The following ACRBP variants were observed in gnomAD, a reference collection of about 807,000 sequenced individuals.
ACRBP encodes the protein acrosin binding protein.
ACRBP carries 52 observed loss-of-function variants against 69.0 expected under a neutral mutation model. The observed-to-expected ratio is 0.75, with a 90% confidence interval of 0.60 to 0.95. The LOEUF (loss-of-function observed/expected upper bound fraction) is 0.95. Ranked by LOEUF, ACRBP falls within the 40% of genes least tolerant of loss-of-function variation. ACRBP has a pLI of 0.00. For missense variants in ACRBP, 604 were observed against 673.0 expected (o/e 0.90, Z 1.13); for synonymous variants, 267 against 258.9 (o/e 1.03, Z -0.30).
intron 4 of ACRBP, 131 bp downstream of exon 4, chr12:6,645,089 A>G: frequency 1.5e-6 from 1 of 683,816 alleles, no homozygotes. Context: ...TCCTTTGTGT[A>G]AACAGCTGTC....
intron 3 of ACRBP, among the ~76,000 whole-genome samples, chr12:6,646,028 C>T (rs12321102): frequency 0.095 from 14,341 of 150,956 alleles, 1,369 homozygotes; most frequent in African/African-American, 0.25. Context: ...GGCATGATCT[C>T]GGCTTACTGC....
Position 6,644,308 on chromosome 12 carries a change from G to C in ACRBP, c.773C>G (p.Ser258Cys). The stretch of plus-strand genomic sequence containing the variant: ...GGAAGGGTTAGAAGATAGAGATTCA[G>C]AGTGAAACTTGGGCTCTGAGTCTGT... Reference protein sequence around the residue: ...LQTDSEPKFHSESLSSNPSSF... With the variant: ...LQTDSEPKFHCESLSSNPSSF... The change falls in exon 5 of 10, where the codon TCT becomes TGT. Residue 258 changes from serine (S) to cysteine (C), a missense_variant. Ser to Cys is a moderately radical substitution (Grantham distance 112). Coordinates refer to ENST00000229243, the MANE Select transcript of ACRBP (RefSeq NM_032489.3). 1 of 1,614,166 alleles carries C rather than the reference G, an allele frequency of 6.2e-7. No homozygotes were observed. Among genetic ancestry groups the C allele is most frequent in the South Asian group, 1.1e-5 (1 of 91,084 alleles).
At chr12:6,646,232 A>G (rs530303842) in intron 3 of ACRBP, among the ~76,000 whole-genome samples, 2 of 150,888 alleles carry the variant, frequency 1.3e-5, no homozygotes, top group Admixed American at 6.7e-5. Context: ...TCGGGCTCCC[A>G]AAGTGCTGAG....
At position 6,644,500 on chromosome 12, in the gene ACRBP, T is replaced by C. The variant is rs201620539; in HGVS notation, c.581A>G (p.Glu194Gly). Residue 194 changes from glutamate to glycine, a missense_variant, in exon 5 of 10, where the codon GAG (glutamate) becomes GGG (glycine). Coordinates refer to ENST00000229243, the MANE Select transcript of ACRBP (RefSeq NM_032489.3). Reference sequence around the variant, plus strand: ...CTCCACTCCTTGCTCCTGCTTGTGCTCTGGCGCTTGCTCCTGGCCTCCCAG... The same window carrying C: ...CTCCACTCCTTGCTCCTGCTTGTGCCCTGGCGCTTGCTCCTGGCCTCCCAG... ...LSLGGQEQAPEHKQEQGVEHR... is the reference protein window; with the variant it reads ...LSLGGQEQAPGHKQEQGVEHR... The C allele has an allele frequency of 1.2e-6, 2 of 1,614,100 alleles. No homozygotes were observed. The highest frequency in any genetic ancestry group is 2.2e-5 in the East Asian group (1 of 44,866).
chr12:6,644,034 G>A, intron 5 of ACRBP, 103 bp downstream of exon 5: 1 of 1,504,624 alleles, frequency 6.6e-7, no homozygotes. Flanking sequence ...GTCCAGACAG[G>A]TCTGAGTGGA....
Position 6,640,674 on chromosome 12 carries a change from G to A in ACRBP, c.1078-152C>T. On this transcript the variant is annotated intron_variant, in intron 6 of 9. Transcript: ENST00000229243. This position sits in a 1 kb window ranked among gnomAD's most constrained non-coding sequence, Gnocchi z 5.3. The stretch of plus-strand genomic sequence containing the variant: ...GTTTTCTACTTGGCCTCCTCCCCAA[G>A]GGTTCCTCAAGGACCTTGCCTCAGC... The A allele has an allele frequency of 1.2e-6, 1 of 816,158 alleles. No homozygotes were observed. The highest frequency in any genetic ancestry group is 1.9e-6 in the Non-Finnish European group (1 of 530,532). 50.6% of individuals were successfully genotyped at this position (816,158 alleles called of 1,614,324 possible).
Position 6,640,756 on chromosome 12 carries a change from C to T in ACRBP, c.1078-234G>A, listed in dbSNP as rs1949046674. 6.6e-6 allele frequency among the ~76,000 whole-genome samples: 1 copy of T among 152,150 alleles called. No individual in the cohort carries two copies. The highest frequency in any genetic ancestry group is 6.5e-5 in the Admixed American group (1 of 15,274). ...CTACTCCTAGGTAATCATCTATCTG[C>T]GAGTGACACCCAAATCTTTATCACC... On this transcript the variant is annotated intron_variant, in intron 6 of 9. Coordinates refer to ENST00000229243, the MANE Select transcript of ACRBP (RefSeq NM_032489.3). The surrounding 1 kb of genome is among the most constrained non-coding windows in gnomAD (Gnocchi z 5.3).
Position 6,646,890 on chromosome 12 carries a change from C to G in ACRBP, c.166G>C (p.Ala56Pro). The change falls in exon 2 of 10, where the codon GCA (alanine) becomes CCA (proline). Residue 56 changes from alanine (A) to proline (P), a missense_variant. By Grantham distance (27) the Ala-to-Pro change is conservative. This residue lies in a region of ACRBP where 532 missense variants were observed against 562.9 expected (regional missense o/e 0.95). Transcript: ENST00000229243. ...FFALLTPTWK[A>P]ETTCRLRATH... ...GCACGGAGACGGCAGGTAGTCTCTG[C>G]CTTCCAGGTTGGAGTCAGCAGTGCG... The G allele has an allele frequency of 6.2e-7, 1 of 1,614,188 alleles. No homozygotes were observed. The highest frequency in any genetic ancestry group is 8.5e-7 in the Non-Finnish European group (1 of 1,180,052).
At chr12:6,647,100 G>A (rs778426999) in intron 1 of ACRBP, 88 bp from the exon 2 acceptor site, 6 of 1,271,742 alleles carry the variant, frequency 4.7e-6, no homozygotes, top group Non-Finnish European at 6.7e-6. Context: ...TGGCAAATTA[G>A]GAACGGGGTG....
In ACRBP at chr12:6,644,583, C is replaced by A. The variant is rs1213471983; in HGVS notation, c.498G>T (p.Gln166His). Residue 166 changes from glutamine (Q) to histidine (H), a missense_variant, in exon 5 of 10, where the codon CAG (glutamine) becomes CAT (histidine). Physicochemically the swap from Gln to His is conservative, Grantham distance 24 (BLOSUM62 0). This residue lies in a region of ACRBP where 532 missense variants were observed against 562.9 expected (regional missense o/e 0.95). Transcript: ENST00000229243. ...HFTVTERQTF[Q>H]PWPERLSNNV... Reference sequence around the variant, plus strand: ...TGTTGCTGAGCCTCTCAGGCCAGGGCTGGAAGGTCTGGCGTTCTGTCACTA... The same window carrying A: ...TGTTGCTGAGCCTCTCAGGCCAGGGATGGAAGGTCTGGCGTTCTGTCACTA... The A allele has an allele frequency of 1.2e-6, 2 of 1,613,006 alleles. No homozygotes were observed. The highest frequency in any genetic ancestry group is 1.1e-5 in the South Asian group (1 of 90,982).
At chr12:6,638,860 C>T in intron 9 of ACRBP, 94 bp downstream of exon 9, 7 of 1,587,272 alleles carry the variant, frequency 4.4e-6, no homozygotes, top group Non-Finnish European at 6.0e-6. Flanking sequence ...TTTCCACATC[C>T]TAGCTGCTCG....
rs766150389 is a variant in ACRBP, at chr12:6,643,533, G to C, written c.1077+6C>G. 1 of 1,614,094 alleles carries C rather than the reference G, an allele frequency of 6.2e-7. No individual in the cohort carries two copies. The highest frequency in any genetic ancestry group is 1.1e-5 in the South Asian group (1 of 91,082). On this transcript the variant is annotated splice_donor_region_variant and intron_variant, in intron 6 of 9. Coordinates refer to ENST00000229243, the MANE Select transcript of ACRBP (RefSeq NM_032489.3). Reference sequence around the variant, plus strand: ...ATGTATCCATTAGACAGTATGGCTGGCATACCGACTTCCCGAAACCAAGGA... The same window carrying C: ...ATGTATCCATTAGACAGTATGGCTGCCATACCGACTTCCCGAAACCAAGGA...
Position 6,644,248 on chromosome 12 carries a change from G to T in ACRBP, c.833C>A (p.Thr278Asn). The change falls in exon 5 of 10, where the codon ACT (threonine) becomes AAT (asparagine). Residue 278 changes from threonine to asparagine, a missense_variant. Around this residue, in one of 3 missense-constraint regions of ACRBP, gnomAD observed 532 missense variants for 562.9 expected, o/e 0.95. Transcript: ENST00000229243. ...FAPRVREVES[T>N]PMIMENIQEL... ...CTGGATGTTCTCCATTATCATAGGA[G>T]TAGACTCTACTTCTCGTACCCGGGG... is the stretch of plus-strand genomic sequence containing the variant. 6.2e-7 allele frequency: 1 copy of T among 1,614,138 alleles called. No individual in the cohort carries two copies. Among genetic ancestry groups the T allele is most frequent in the Non-Finnish European group, 8.5e-7 (1 of 1,180,044 alleles).
rs1565391428 is a variant in ACRBP, at chr12:6,640,099, A to G, written c.1386T>C (p.Thr462=). The change falls in exon 8 of 10, where the codon ACT becomes ACC. Residue 462 remains threonine, a synonymous_variant. Coordinates refer to ENST00000229243, the MANE Select transcript of ACRBP (RefSeq NM_032489.3). The surrounding 1 kb of genome is among the most constrained non-coding windows in gnomAD (Gnocchi z 5.3). ...EDVRVSGWLQ[T]EFLSFQDGDF... is the part of the protein sequence containing the mutation. ...CCCCATCCTGGAAGCTAAGGAACTC[A>G]GTCTGGAGCCACCCAGAGACTCGGA... The G allele has an allele frequency of 1.2e-6, 2 of 1,614,196 alleles. No individual in the cohort carries two copies. Among genetic ancestry groups the G allele is most frequent in the Non-Finnish European group, 1.7e-6 (2 of 1,180,030 alleles).
intron 8 of ACRBP, among the ~76,000 whole-genome samples, chr12:6,639,334 T>G (rs1482374174): frequency 2.0e-5 from 3 of 152,136 alleles, no homozygotes; most frequent in Non-Finnish European, 4.4e-5. Flanking sequence ...GTCCAGAACA[T>G]GGGACAGGGA....
At chr12:6,641,936 A>T (rs78882213) in intron 6 of ACRBP, among the ~76,000 whole-genome samples, 5,082 of 152,280 alleles carry the variant, frequency 0.033, 97 homozygotes, top group Admixed American at 0.045. Flanking sequence ...GCCTTTGCAC[A>T]TACTATTCTC....
intron 9 of ACRBP, 124 bp downstream of exon 9, chr12:6,638,830 G>A: frequency 6.5e-7 from 1 of 1,538,892 alleles, no homozygotes; most frequent in Non-Finnish European, 8.7e-7. Flanking sequence ...CTCTGCCCCA[G>A]AGATGCAAGC....
Position 6,646,597 on chromosome 12 carries a change from G to C in ACRBP, c.263-20C>G. ...CAGCACCTGAGAAAGGGCAGGGGTG[G>C]AGAAGATGAACCCGTGGGGAGCTTG... On this transcript the variant is annotated intron_variant, in intron 2 of 9. Coordinates refer to ENST00000229243, the MANE Select transcript of ACRBP (RefSeq NM_032489.3). The C allele has an allele frequency of 6.2e-7, 1 of 1,609,884 alleles. No homozygotes were observed. Among genetic ancestry groups the C allele is most frequent in the Non-Finnish European group, 8.5e-7 (1 of 1,176,176 alleles).
chr12:6,645,527 G>A (rs1592308665), intron 3 of ACRBP, among the ~76,000 whole-genome samples, 190 bp from the exon 4 acceptor site: 2 of 152,258 alleles, frequency 1.3e-5, no homozygotes, highest in Admixed American at 1.3e-4. Context: ...CTGTTTGTCT[G>A]GGCCACATCC....
Sources: gnomAD v4.1 joint callset for allele counts (sites outside exome capture counted in the v4.1 genomes callset) on GRCh38, gnomAD v4.1.1 for gene constraint, gnomAD v4.1.1 regional missense constraint, Gnocchi (gnomAD v3.1) non-coding constraint, MANE v1.5 for transcripts, NCBI Gene and HGNC (gene_info 2026-07-23, HGNC 2026-07-21) for gene names.